ASAP1: variants seen among roughly 807,000 people sequenced by gnomAD.
ASAP1 encodes arf-GAP with SH3 domain, ANK repeat and PH domain-containing protein 1.
A neutral mutation model predicts 145.2 loss-of-function variants in ASAP1; 43 were observed. The observed-to-expected ratio is 0.30, with a 90% CI of 0.23 to 0.38. The LOEUF (loss-of-function observed/expected upper bound fraction) is 0.38. Among genes scored for constraint, ASAP1 ranks in the 10% least tolerant of loss-of-function variants. ASAP1 has a pLI of 1.00. For synonymous variants in ASAP1, 546 were observed against 515.5 expected (o/e 1.06, Z -0.80); for missense variants, 1,018 against 1,355.3 (o/e 0.75, Z 3.91).
intron 4 of ASAP1, among the ~76,000 whole-genome samples, chr8:130,226,326 C>T (rs1320818250): frequency 1.3e-5 from 2 of 152,114 alleles, no homozygotes; most frequent in Non-Finnish European, 2.9e-5. Flanking sequence ...GGGGTCTAAA[C>T]TCTTTATTTT....
intron 7 of ASAP1, among the ~76,000 whole-genome samples, chr8:130,182,152 GGAAGA>G (rs549651333): frequency 1.3e-5 from 2 of 152,150 alleles, no homozygotes; most frequent in Non-Finnish European, 2.9e-5. Context: ...GATGTGGGTG[GGAAGA>G]GAAGAAATAT....
At chr8:130,282,981 G>T (rs1427893320) in intron 3 of ASAP1, among the ~76,000 whole-genome samples, 1 of 152,202 alleles carries the variant, frequency 6.6e-6, no homozygotes, top group Non-Finnish European at 1.5e-5. Context: ...TGGGAAAGGG[G>T]ATGCACTATT....
intron 3 of ASAP1, among the ~76,000 whole-genome samples, chr8:130,300,893 T>C (rs1822618632): frequency 6.6e-6 from 1 of 152,136 alleles, no homozygotes; most frequent in African/African-American, 2.4e-5. Context: ...ACAATGATGA[T>C]TAATCTCTAA....
rs117883303 is a variant in ASAP1 at position 130,248,386 on chromosome 8, C to T, written c.187-11392G>A. Among the ~76,000 whole-genome samples the T allele has an allele frequency of 9.4e-3, 1,426 of 152,272 alleles. 10 individuals carry two copies. Among genetic ancestry groups the T allele is most frequent in the Non-Finnish European group, 0.015 (1,000 of 68,014 alleles). On this transcript the variant is annotated intron_variant, in intron 3 of 29. Transcript: ENST00000518721. ...GGAGTAGACAGAGAACAACCACGTG[C>T]ATGCCAACATTCTGAGAAAACAGGC...
At chr8:130,161,344 T>A (rs993571143) in intron 11 of ASAP1, among the ~76,000 whole-genome samples, 10 of 152,224 alleles carry the variant, frequency 6.6e-5, no homozygotes, top group African/African-American at 2.4e-4. Context: ...CCAGGATGGC[T>A]TCTTTCTGAC....
At chr8:130,231,549 G>A (rs1459995228) in intron 4 of ASAP1, among the ~76,000 whole-genome samples, 1 of 151,828 alleles carries the variant, frequency 6.6e-6, no homozygotes, top group Non-Finnish European at 1.5e-5. Context: ...ATAATAATAT[G>A]TTCATTTAAT....
At chr8:130,347,348 G>C (rs1825756240) in intron 3 of ASAP1, among the ~76,000 whole-genome samples, 1 of 152,230 alleles carries the variant, frequency 6.6e-6, no homozygotes, top group African/African-American at 2.4e-5. Context: ...AAAGGATCAA[G>C]GGGAGGTGAC....
chr8:130,156,068 A>G (rs775718609), intron 12 of ASAP1, among the ~76,000 whole-genome samples: 1 of 152,210 alleles, frequency 6.6e-6, no homozygotes, highest in African/African-American at 2.4e-5. Context: ...ATGAGAAAAT[A>G]TAATAAAGCA....
chr8:130,262,821 C>T (rs926417404), intron 3 of ASAP1, among the ~76,000 whole-genome samples: 1 of 152,158 alleles, frequency 6.6e-6, no homozygotes, highest in African/African-American at 2.4e-5. Flanking sequence ...AAAGCCTGTT[C>T]CATGACCCTA....
At chr8:130,172,962 T>G (rs1565048591) in intron 9 of ASAP1, among the ~76,000 whole-genome samples, 2 of 152,258 alleles carry the variant, frequency 1.3e-5, no homozygotes, top group Non-Finnish European at 2.9e-5. Context: ...AATCCCATTT[T>G]TGTAAACAAA....
intron 3 of ASAP1, among the ~76,000 whole-genome samples, chr8:130,249,503 T>A (rs1030985326): frequency 6.6e-6 from 1 of 152,152 alleles, no homozygotes; most frequent in Non-Finnish European, 1.5e-5. Flanking sequence ...CTCCATCATC[T>A]TCTTAACAAT....
At position 130,353,789 on chromosome 8, in the gene ASAP1, T is replaced by C. The variant is rs535824494; in HGVS notation, c.186+4228A>G. 2.2e-4 allele frequency among the ~76,000 whole-genome samples: 33 copies of C among 152,308 alleles called. No individual in the cohort carries two copies. The South Asian group carries it at 3.9e-3, about 18-fold the overall frequency. On this transcript the variant is annotated intron_variant, in intron 3 of 29. Transcript: ENST00000518721. ...AGGAGGCAGAGGTGAGAGAATTGCT[T>C]GAACCTGGGAGGCAGAGGTTGCAGT...
In ASAP1 at chr8:130,401,893, T is replaced by A; in HGVS notation, c.51A>T (p.Leu17=). ...RLSSFSSRDS[L]WNRMPDQISV... ...GGCTAGAGATCACTCACCGATTCCA[T>A]AGTGAATCTCTCGACGAAAAACTGG... is the stretch of plus-strand genomic sequence containing the variant. Residue 17 remains leucine, a synonymous_variant, in exon 2 of 30, where the codon CTA becomes CTT. Transcript: ENST00000518721. 1.2e-6 allele frequency: 2 copies of A among 1,613,656 alleles called. No homozygotes were observed. The highest frequency in any genetic ancestry group is 8.5e-7 in the Non-Finnish European group (1 of 1,179,914).
At chr8:130,392,838 C>T (rs1828346114) in intron 2 of ASAP1, among the ~76,000 whole-genome samples, 1 of 152,052 alleles carries the variant, frequency 6.6e-6, no homozygotes, top group African/African-American at 2.4e-5. Flanking sequence ...AAACAGTTGT[C>T]ACGGGAACTA....
At chr8:130,234,586 A>T (rs1818101799) in intron 4 of ASAP1, among the ~76,000 whole-genome samples, 1 of 152,212 alleles carries the variant, frequency 6.6e-6, no homozygotes. Context: ...GAACAGGAAG[A>T]AGCATATCCC....
At chr8:130,436,033 A>T (rs1448443086) in intron 1 of ASAP1, among the ~76,000 whole-genome samples, 1 of 152,228 alleles carries the variant, frequency 6.6e-6, no homozygotes, top group Non-Finnish European at 1.5e-5. Context: ...CCCAAACCAG[A>T]AGACACAACA....
chr8:130,352,266 CCTT>C (rs1826047535), intron 3 of ASAP1, among the ~76,000 whole-genome samples: 1 of 147,158 alleles, frequency 6.8e-6, no homozygotes, highest in Admixed American at 6.8e-5. Flanking sequence ...TTAATGGGCT[CCTT>C]AAGTTTAGCA....
chr8:130,234,942 C>G (rs1818125637), intron 4 of ASAP1, among the ~76,000 whole-genome samples: 2 of 152,124 alleles, frequency 1.3e-5, no homozygotes, highest in Non-Finnish European at 2.9e-5. Context: ...TCTAGCTGTC[C>G]TTTTCCCCCA....
At chr8:130,137,417 C>A (rs1045498152) in intron 13 of ASAP1, among the ~76,000 whole-genome samples, 1 of 152,210 alleles carries the variant, frequency 6.6e-6, no homozygotes, top group Non-Finnish European at 1.5e-5. Context: ...AATGAACAGT[C>A]GGCATGGTCC....
Sources: allele counts gnomAD v4.1 joint callset (sites outside exome capture counted in the v4.1 genomes callset), GRCh38; gene constraint gnomAD v4.1.1; transcripts MANE v1.5; gene names NCBI Gene and HGNC (gene_info 2026-07-23, HGNC 2026-07-21).